The following IL1RAPL1 variants were observed in gnomAD, a reference collection of about 807,000 sequenced individuals.
IL1RAPL1 encodes interleukin 1 receptor accessory protein like 1.
Under a neutral mutation model 48.4 loss-of-function variants are expected in IL1RAPL1, and 3 were observed. That is an observed-to-expected ratio of 0.06 (90% CI 0.03 to 0.16). The LOEUF is 0.16. IL1RAPL1 is among the 10% of genes least tolerant of loss of function. The pLI is 1.00. For synonymous variants in IL1RAPL1, 185 were observed against 187.7 expected (o/e 0.99, Z 0.12); for missense variants, 349 against 530.6 (o/e 0.66, Z 3.36).
chrX:29,899,543 T>A (rs1051024484), intron 6 of IL1RAPL1, among the ~76,000 whole-genome samples: 12 of 106,346 alleles, frequency 1.1e-4, no homozygotes, highest in Non-Finnish European at 1.7e-4. Context: ...TAACAGTGAA[T>A]AATTTTTTTT....
chrX:29,336,087 A>T (rs1490739861), intron 3 of IL1RAPL1, among the ~76,000 whole-genome samples: 1 of 105,431 alleles, frequency 9.5e-6, no homozygotes, highest in Non-Finnish European at 1.9e-5. Context: ...TATGTATATT[A>T]TACGTATATA....
intron 5 of IL1RAPL1, among the ~76,000 whole-genome samples, chrX:29,439,810 C>A (rs1376808851): frequency 9.9e-6 from 1 of 100,584 alleles, no homozygotes; most frequent in African/African-American, 3.7e-5. Context: ...ACATCAAAGG[C>A]AATGTATTTT....
At chrX:28,912,817 A>G (rs1450928318) in intron 2 of IL1RAPL1, among the ~76,000 whole-genome samples, 1 of 111,617 alleles carries the variant, frequency 9.0e-6, no homozygotes, top group East Asian at 2.8e-4. Context: ...TGTAAAGGGA[A>G]TCATTATTCT....
intron 3 of IL1RAPL1, among the ~76,000 whole-genome samples, chrX:29,374,852 G>A (rs1185084672): frequency 1.8e-5 from 2 of 110,883 alleles, no homozygotes; most frequent in African/African-American, 6.6e-5. Flanking sequence ...AAGGGAATGA[G>A]CCCAGAGGAA....
At chrX:28,930,438 T>G (rs1249101638) in intron 2 of IL1RAPL1, among the ~76,000 whole-genome samples, 2 of 111,753 alleles carry the variant, frequency 1.8e-5, no homozygotes, top group Non-Finnish European at 3.8e-5. Context: ...AATTTTAGAA[T>G]TAGTTTTTTC....
At chrX:29,118,519 G>T (rs931556239) in intron 2 of IL1RAPL1, among the ~76,000 whole-genome samples, 2 of 111,777 alleles carry the variant, frequency 1.8e-5, no homozygotes, top group African/African-American at 6.5e-5. Flanking sequence ...ATGCAAAGAT[G>T]CAGAAGTTGT....
chrX:29,931,331 G>C (rs1440128597), intron 8 of IL1RAPL1, among the ~76,000 whole-genome samples: 2 of 111,370 alleles, frequency 1.8e-5, no homozygotes, highest in Non-Finnish European at 3.8e-5. Flanking sequence ...TATTCCCACT[G>C]GGGGAAATGA....
chrX:29,684,959 C>T (rs1026359465), intron 6 of IL1RAPL1, among the ~76,000 whole-genome samples: 4 of 112,125 alleles, frequency 3.6e-5, no homozygotes, highest in Non-Finnish European at 5.6e-5. Flanking sequence ...AGTTGGACTT[C>T]GTTAATTTAG....
intron 2 of IL1RAPL1, among the ~76,000 whole-genome samples, chrX:29,145,900 A>G (rs1305526399): frequency 8.9e-6 from 1 of 112,025 alleles, no homozygotes; most frequent in Non-Finnish European, 1.9e-5. Context: ...CTCCAACGCT[A>G]GCATCCTGGT....
At chrX:29,868,679 G>A (rs111959829) in intron 6 of IL1RAPL1, among the ~76,000 whole-genome samples, 3,616 of 112,298 alleles carry the variant, frequency 0.032, 125 homozygotes, top group African/African-American at 0.11. Flanking sequence ...ATTCAAGACC[G>A]GAGAACCAAG....
At chrX:29,889,235 G>T (rs1374797996) in intron 6 of IL1RAPL1, among the ~76,000 whole-genome samples, 1 of 111,348 alleles carries the variant, frequency 9.0e-6, no homozygotes, top group East Asian at 2.8e-4. Flanking sequence ...AGCCTATAAG[G>T]TTTAGATTCA....
At chrX:29,148,616 T>C (rs994053527) in intron 2 of IL1RAPL1, among the ~76,000 whole-genome samples, 2 of 112,173 alleles carry the variant, frequency 1.8e-5, no homozygotes, top group Non-Finnish European at 3.8e-5. Flanking sequence ...AAAACACTTT[T>C]ACTCTCTTAG....
chrX:29,740,122 G>GAAAAAAAAAAAAAAAA (rs1172511347), intron 6 of IL1RAPL1, among the ~76,000 whole-genome samples: 2 of 52,329 alleles, frequency 3.8e-5, no homozygotes, highest in Non-Finnish European at 3.7e-5. Flanking sequence ...CAAAAAAACA[G>GAAAAAAAAAAAAAAAA]AAAAAAAAAA....
At position 28,814,339 on chromosome X, in the gene IL1RAPL1, GTT is replaced by G. The variant is rs34744942; in HGVS notation, c.82+24916_82+24917del. 1.5e-4 allele frequency among the ~76,000 whole-genome samples: 12 copies of G among 78,268 alleles called. No individual in the cohort carries two copies. In the South Asian group the frequency reaches 5.5e-3, roughly 36 times the overall value. 68.0% of individuals were successfully genotyped at this position (78,268 alleles called of 115,157 possible). A position where few individuals can be genotyped will look rare whatever the true frequency, so the allele number is the denominator to read the frequency against. ...TATATTCCTTTGGGGCAATTTTCAG[GTT>G]TGTGTGTGTGTGTGTGTGTGTGTGT... On this transcript the variant is annotated intron_variant, in intron 2 of 10. Transcript: ENST00000378993.
At chrX:29,443,231 G>GCTCTCTCTCTCTCTCT (rs376805298) in intron 5 of IL1RAPL1, among the ~76,000 whole-genome samples, 1,324 of 93,916 alleles carry the variant, frequency 0.014, 17 homozygotes, top group South Asian at 0.036. Flanking sequence ...GCTCTCGCTT[G>GCTCTCTCTCTCTCTCT]CTCTCTCTCT....
intron 5 of IL1RAPL1, among the ~76,000 whole-genome samples, chrX:29,401,673 T>G (rs1257650595): frequency 9.8e-6 from 1 of 102,481 alleles, no homozygotes; most frequent in African/African-American, 3.8e-5. Context: ...TGTTATAATG[T>G]CACTTTAAAA....
chrX:28,970,591 G>A (rs889966651), intron 2 of IL1RAPL1, among the ~76,000 whole-genome samples: 27 of 111,421 alleles, frequency 2.4e-4, no homozygotes, highest in African/African-American at 7.5e-4. Context: ...ATATAATTAC[G>A]TTGGAGTATC....
chrX:29,274,231 G>C (rs2147594208), intron 2 of IL1RAPL1, among the ~76,000 whole-genome samples: 1 of 112,073 alleles, frequency 8.9e-6, no homozygotes, highest in African/African-American at 3.2e-5. Context: ...ACAAAATGCA[G>C]TATGTCAACA....
At chrX:29,880,674 A>AT (rs1350275884) in intron 6 of IL1RAPL1, among the ~76,000 whole-genome samples, 2 of 110,215 alleles carry the variant, frequency 1.8e-5, no homozygotes, top group South Asian at 3.8e-4. Flanking sequence ...TTCAATCAAC[A>AT]TTTTTTTTTC....
Sources: gnomAD v4.1 joint callset for allele counts (sites outside exome capture counted in the v4.1 genomes callset) on GRCh38, gnomAD v4.1.1 for gene constraint, MANE v1.5 for transcripts, NCBI Gene and HGNC (gene_info 2026-07-23, HGNC 2026-07-21) for gene names.